Variants in NCAPG2 observed in about 807,000 individuals in gnomAD.
NCAPG2 encodes condensin-2 complex subunit G2.
In NCAPG2, 53 loss-of-function variants were observed where a neutral mutation model predicts 141.1. The observed-to-expected ratio is 0.38, with a 90% CI of 0.30 to 0.47. The LOEUF (loss-of-function observed/expected upper bound fraction) is 0.47, where lower values mean the gene tolerates loss of function less well. Among genes scored for constraint, NCAPG2 ranks in the 20% least tolerant of loss-of-function variants. The pLI is 0.99. For synonymous variants in NCAPG2, 499 were observed against 490.7 expected, an observed-to-expected ratio of 1.02 and a Z score of -0.22; for missense variants, 1,087 against 1,389.0, an observed-to-expected ratio of 0.78 and a Z score of 3.46.
At chr7:158,649,573 G>C (rs933698831) in intron 24 of NCAPG2, among the ~76,000 whole-genome samples, 2 of 152,102 alleles carry the variant, frequency 1.3e-5, no homozygotes, top group African/African-American at 4.8e-5. Flanking sequence ...ACAAATCCTA[G>C]TTTTTATTCT....
rs753372357 is a variant in NCAPG2, at chr7:158,644,291, T to C, written c.3378A>G (p.Glu1126=). The C allele has an allele frequency of 6.2e-7, 1 of 1,607,020 alleles. No homozygotes were observed. Among genetic ancestry groups the C allele is most frequent in the East Asian group, 2.2e-5 (1 of 44,832 alleles). ...MEITLEEDSI[E]RFLYESSSRT... is the part of the protein sequence containing the mutation. The stretch of plus-strand genomic sequence containing the variant: ...TCTGGTGAATATCTCTCCTTTACCT[T>C]TCAATGCTATCCTCTTCCAAAGTAA... The change falls in exon 27 of 28, where the codon GAA becomes GAG. Residue 1126 remains glutamate, a splice_region_variant and synonymous_variant. Coordinates refer to ENST00000356309, the MANE Select transcript of NCAPG2 (RefSeq NM_017760.7).
intron 12 of NCAPG2, among the ~76,000 whole-genome samples, chr7:158,672,742 C>T (rs778199939): frequency 6.6e-6 from 1 of 152,204 alleles, no homozygotes; most frequent in Non-Finnish European, 1.5e-5. Context: ...ATCTGCTCCA[C>T]CTGTGTCCAC....
In NCAPG2 at chr7:158,671,595, G is replaced by A; in HGVS notation, c.1398C>T (p.Tyr466=). Residue 466 remains tyrosine (Y), a synonymous_variant, in exon 13 of 28, where the codon TAC becomes TAT. Coordinates refer to ENST00000356309, the MANE Select transcript of NCAPG2 (RefSeq NM_017760.7). The part of the protein sequence containing the change: ...LLEQLLPALR[Y]SLHDNSEKVR... ...CTTTCTCCGAATTGTCGTGGAGACT[G>A]TATCTGAGAGCTGGAAGGAGCTGCT... 1 of 1,614,188 alleles carries A rather than the reference G, an allele frequency of 6.2e-7. No individual in the cohort carries two copies. Among genetic ancestry groups the A allele is most frequent in the Non-Finnish European group, 8.5e-7 (1 of 1,180,014 alleles).
Position 158,631,311 on chromosome 7 carries a change from G to T in NCAPG2, c.*355C>A. ...CCTAATACTTTCAAATAAACAAATGGATGTTGTCATTGCTTTATTACTCAT... is the reference window on the plus strand; with the variant it reads ...CCTAATACTTTCAAATAAACAAATGTATGTTGTCATTGCTTTATTACTCAT... On this transcript the variant is annotated 3_prime_UTR_variant, in exon 28 of 28. Coordinates refer to ENST00000356309, the MANE Select transcript of NCAPG2 (RefSeq NM_017760.7). 1 of 247,568 alleles carries T rather than the reference G, an allele frequency of 4.0e-6. No individual in the cohort carries two copies. The highest frequency in any genetic ancestry group is 7.6e-6 in the Non-Finnish European group (1 of 131,090). 15.3% of individuals were successfully genotyped at this position (247,568 alleles called of 1,614,324 possible).
intron 27 of NCAPG2, among the ~76,000 whole-genome samples, chr7:158,637,563 T>A (rs1830355426): frequency 6.6e-6 from 1 of 152,274 alleles, no homozygotes; most frequent in Non-Finnish European, 1.5e-5. Flanking sequence ...GAGAGTAGGC[T>A]TTCCAGCTCC....
At chr7:158,653,558 T>C (rs1159583718) in intron 22 of NCAPG2, among the ~76,000 whole-genome samples, 1 of 152,108 alleles carries the variant, frequency 6.6e-6, no homozygotes, top group East Asian at 1.9e-4. Context: ...TAGCATCTAC[T>C]TCAGTTGCAA....
intron 8 of NCAPG2, 28 bp from the exon 9 acceptor site, chr7:158,683,414 C>T (rs6970374): frequency 0.18 from 284,083 of 1,555,154 alleles, 27,519 homozygotes; most frequent in Middle Eastern, 0.23. Flanking sequence ...ATGCAAAGCA[C>T]TTGGTGTGTG....
intron 6 of NCAPG2, among the ~76,000 whole-genome samples, chr7:158,687,981 T>A (rs1170079260): frequency 6.6e-6 from 1 of 152,178 alleles, no homozygotes; most frequent in Non-Finnish European, 1.5e-5. Flanking sequence ...TGCTACTAGA[T>A]TATGTATCTG....
intron 23 of NCAPG2, 107 bp downstream of exon 23, chr7:158,652,186 G>C: frequency 8.8e-7 from 1 of 1,142,096 alleles, no homozygotes; most frequent in Non-Finnish European, 1.3e-6. Flanking sequence ...ACAACACTGC[G>C]TGTCACCCGA....
chr7:158,686,040 T>C (rs1481711299), intron 8 of NCAPG2, 132 bp downstream of exon 8: 4 of 548,796 alleles, frequency 7.3e-6, no homozygotes, highest in African/African-American at 4.0e-5. Flanking sequence ...GCCCATCAAA[T>C]AGATTTTCAT....
rs34841331 is a variant in NCAPG2 at position 158,701,412 on chromosome 7, C to T, written c.78+410G>A. On this transcript the variant is annotated intron_variant, in intron 2 of 27. Transcript: ENST00000356309. ...TGTTCTCTTCCTCCCTTGCCTACAG[C>T]TCGCTCCCTGCTTCAAGCACCCACC... 7.4e-3 allele frequency among the ~76,000 whole-genome samples: 1,133 copies of T among 152,296 alleles called. 9 individuals are homozygous for T. Among genetic ancestry groups the T allele is most frequent in the African/African-American group, 0.026 (1,065 of 41,548 alleles).
Position 158,656,427 on chromosome 7 carries a change from T to G in NCAPG2, c.2221A>C (p.Thr741Pro). Residue 741 changes from threonine (T) to proline (P), a missense_variant, in exon 19 of 28, where the codon ACA (threonine) becomes CCA (proline). Transcript: ENST00000356309. Reference sequence around the variant, plus strand: ...ATCTGCACCCTACCTTTAGAAGCTGTGTTGCTCTGAAAGAAGAGAGAGAGA... The same window carrying G: ...ATCTGCACCCTACCTTTAGAAGCTGGGTTGCTCTGAAAGAAGAGAGAGAGA... ...PTEHAQAKSN[T>P]ASKGRVQIHD... 6.2e-7 allele frequency: 1 copy of G among 1,613,546 alleles called. No individual in the cohort carries two copies. Among genetic ancestry groups the G allele is most frequent in the Non-Finnish European group, 8.5e-7 (1 of 1,179,844 alleles).
intron 17 of NCAPG2, among the ~76,000 whole-genome samples, chr7:158,657,202 A>G (rs187968519): frequency 1.6e-3 from 243 of 152,362 alleles, no homozygotes; most frequent in African/African-American, 5.4e-3. Flanking sequence ...GAAACAGGTA[A>G]AACTAATTTC....
At chr7:158,680,116 T>C in intron 10 of NCAPG2, 31 bp from the exon 11 acceptor site, 2 of 1,605,738 alleles carry the variant, frequency 1.2e-6, no homozygotes, top group Non-Finnish European at 1.7e-6. Context: ...TATCTCAGAA[T>C]CCCAAAGAGT....
rs1217503700 is a variant in NCAPG2, at chr7:158,671,561, C to T, written c.1432G>A (p.Ala478Thr). The change falls in exon 13 of 28, where the codon GCT becomes ACT. Residue 478 changes from alanine (A) to threonine (T), a missense_variant. Coordinates refer to ENST00000356309, the MANE Select transcript of NCAPG2 (RefSeq NM_017760.7). ...LHDNSEKVRV[A>T]FVDMLLKIKA... Reference sequence around the variant, plus strand: ...ATCTTCAACAGCATGTCCACAAAAGCTACCCTCACTTTCTCCGAATTGTCG... The same window carrying T: ...ATCTTCAACAGCATGTCCACAAAAGTTACCCTCACTTTCTCCGAATTGTCG... 1 of 1,614,210 alleles carries T rather than the reference C, an allele frequency of 6.2e-7. No individual in the cohort carries two copies. The highest frequency in any genetic ancestry group is 1.3e-5 in the African/African-American group (1 of 75,062).
rs1369124850 is a variant in NCAPG2, at chr7:158,633,599, CCT to C, written c.3381-1884_3381-1883del. ...CTGCCTCAGGGTCTCCTGCCCATTC[CCT>C]GAGTCCCCCAAGGAGAAGAGAGTGC... On this transcript the variant is annotated intron_variant, in intron 27 of 27. Transcript: ENST00000356309. The surrounding 1 kb of genome is among the most constrained non-coding windows in gnomAD (Gnocchi z 4.1). 6.6e-6 allele frequency among the ~76,000 whole-genome samples: 1 copy of C among 152,152 alleles called. No individual in the cohort carries two copies. The highest frequency in any genetic ancestry group is 2.4e-5 in the African/African-American group (1 of 41,444).
In NCAPG2 at chr7:158,697,605, G is replaced by GA. The variant is rs200908688; in HGVS notation, c.79-4109dup. On this transcript the variant is annotated intron_variant, in intron 2 of 27. Transcript: ENST00000356309. Reference sequence around the variant, plus strand: ...AACAGAGCAAGGCTCCAACTGAAAAGAAAAAAAAAAAAAAGTAAAAATAGA... The same window carrying GA: ...AACAGAGCAAGGCTCCAACTGAAAAGAAAAAAAAAAAAAAAGTAAAAATAGA... Among the ~76,000 whole-genome samples, 775 of 81,684 alleles carry GA rather than the reference G, an allele frequency of 9.5e-3. 5 individuals are homozygous for GA. The highest frequency in any genetic ancestry group is 0.022 in the African/African-American group (487 of 21,854). The allele number at this position is 81,684 out of a possible 152,430, so 53.6% of individuals were successfully genotyped here.
Position 158,664,250 on chromosome 7 carries a change from C to G in NCAPG2, c.1749G>C (p.Gln583His). Residue 583 changes from glutamine (Q) to histidine (H), a missense_variant, in exon 15 of 28, where the codon CAG (glutamine) becomes CAC (histidine). Gln to His is a conservative substitution (Grantham distance 24). Transcript: ENST00000356309. ...CCTCTGGAGGCTCTCTCACTGCCCT[C>G]TGGATACAGGCATTTAAGCAATGAC... The part of the protein sequence containing the change: ...VIRHCLNACI[Q>H]RAVREPPEDE... The G allele has an allele frequency of 6.2e-7, 1 of 1,614,042 alleles. No individual in the cohort carries two copies. The highest frequency in any genetic ancestry group is 8.5e-7 in the Non-Finnish European group (1 of 1,179,900).
chr7:158,644,624 G>A (rs1279825213), intron 26 of NCAPG2, among the ~76,000 whole-genome samples: 1 of 152,168 alleles, frequency 6.6e-6, no homozygotes, highest in East Asian at 1.9e-4. Flanking sequence ...ATGAAGCCAT[G>A]AGAGGAAGGA....
Sources: allele counts gnomAD v4.1 joint callset (sites outside exome capture counted in the v4.1 genomes callset), GRCh38; gene constraint gnomAD v4.1.1; non-coding constraint Gnocchi (gnomAD v3.1); transcripts MANE v1.5; gene names NCBI Gene and HGNC (gene_info 2026-07-23, HGNC 2026-07-21).